Variants in AXDND1 observed in about 807,000 individuals in gnomAD.
AXDND1 encodes the protein axonemal dynein light chain domain-containing protein 1.
In AXDND1, 110 loss-of-function variants were observed where a neutral mutation model predicts 137.5. That is an observed-to-expected ratio of 0.80 (90% CI 0.69 to 0.94). The LOEUF (loss-of-function observed/expected upper bound fraction) is 0.94. Among genes scored for constraint, AXDND1 ranks in the 40% least tolerant of loss-of-function variants. AXDND1 has a pLI of 0.00. For missense variants in AXDND1, 1,191 were observed against 1,169.8 expected (o/e 1.02, Z -0.26); for synonymous variants, 414 against 399.7 (o/e 1.04, Z -0.43).
chr1:179,498,189 C>G (rs887508774), intron 20 of AXDND1, among the ~76,000 whole-genome samples: 1 of 151,996 alleles, frequency 6.6e-6, no homozygotes, highest in African/African-American at 2.4e-5. Context: ...AAAGAGAGCC[C>G]AAATAGCCAA....
chr1:179,496,218 G>T (rs185409558), intron 20 of AXDND1, among the ~76,000 whole-genome samples: 4 of 151,846 alleles, frequency 2.6e-5, no homozygotes, highest in Non-Finnish European at 5.9e-5. Context: ...GGTAATGCTG[G>T]CCTTTTAAAA....
chr1:179,383,413 T>G (rs763277135), intron 7 of AXDND1, 29 bp from the exon 8 acceptor site: 4 of 1,531,754 alleles, frequency 2.6e-6, no homozygotes, highest in Admixed American at 1.7e-5. Context: ...CAATGTTAAT[T>G]GCATAAGTCT....
At chr1:179,368,684 T>C (rs998838514) in intron 2 of AXDND1, 116 bp from the exon 3 acceptor site, 3 of 808,520 alleles carry the variant, frequency 3.7e-6, no homozygotes, top group African/African-American at 1.7e-5. Flanking sequence ...CTTTGTCAAA[T>C]AGAAGCAATG....
intron 18 of AXDND1, among the ~76,000 whole-genome samples, chr1:179,487,923 G>A (rs534906428): frequency 7.0e-6 from 1 of 142,054 alleles, no homozygotes; most frequent in Admixed American, 7.0e-5. Flanking sequence ...TTGTGCCTGG[G>A]AGGTCAAGGA....
chr1:179,400,462 T>C (rs1341203366), intron 11 of AXDND1, among the ~76,000 whole-genome samples: 1 of 151,890 alleles, frequency 6.6e-6, no homozygotes, highest in African/African-American at 2.4e-5. Context: ...ACCACAAATA[T>C]GGTGCTGTGT....
intron 12 of AXDND1, among the ~76,000 whole-genome samples, chr1:179,415,520 A>G (rs1355366082): frequency 6.6e-6 from 1 of 152,218 alleles, no homozygotes; most frequent in East Asian, 1.9e-4. Context: ...AATTCACCCA[A>G]TTAAAGTGTA....
chr1:179,552,578 C>G, intron 25 of AXDND1: 1 of 1,601,358 alleles, frequency 6.2e-7, no homozygotes, highest in African/African-American at 1.3e-5. Flanking sequence ...AAAGGGCAGT[C>G]TGGGTGGGAG....
intron 11 of AXDND1, among the ~76,000 whole-genome samples, chr1:179,408,968 CT>C (rs74384865): frequency 0.049 from 6,203 of 125,836 alleles, 58 homozygotes; most frequent in African/African-American, 0.082. Flanking sequence ...TTTTTTCTTT[CT>C]TTTTTTTTTT....
At chr1:179,435,802 C>T (rs1658069109) in intron 15 of AXDND1, among the ~76,000 whole-genome samples, 1 of 152,102 alleles carries the variant, frequency 6.6e-6, no homozygotes, top group African/African-American at 2.4e-5. Flanking sequence ...ATGAAAATGC[C>T]AAAAGCAATT....
chr1:179,429,258 A>G (rs942510908), intron 12 of AXDND1, among the ~76,000 whole-genome samples: 21 of 152,314 alleles, frequency 1.4e-4, no homozygotes, highest in African/African-American at 5.1e-4. Flanking sequence ...ATTTGAGAGT[A>G]TAAAGGGGCC....
rs568749539 is a variant in AXDND1 at position 179,495,754 on chromosome 1, G to A, written c.2388+2803G>A. Among the ~76,000 whole-genome samples, 8 of 151,840 alleles carry A rather than the reference G, an allele frequency of 5.3e-5. No individual in the cohort carries two copies. In the East Asian group the frequency reaches 1.3e-3, roughly 26 times the overall value. ...ATACTAGGTTGAAAAAGTAATGAGA[G>A]CAGATATCCTTGCCTTGGTCCATCT... On this transcript the variant is annotated intron_variant, in intron 20 of 25. Transcript: ENST00000367618.
chr1:179,402,168 A>AC (rs1558126722), intron 11 of AXDND1, among the ~76,000 whole-genome samples: 83 of 151,804 alleles, frequency 5.5e-4, no homozygotes, highest in African/African-American at 1.9e-3. Context: ...CCGTCTCAAA[A>AC]AAAAAAAAAA....
intron 25 of AXDND1, chr1:179,544,999 A>T (rs1296521221): frequency 2.6e-5 from 4 of 152,284 alleles, no homozygotes; most frequent in Admixed American, 2.6e-4. Context: ...GTGTTGCTGA[A>T]GATTCACCCA....
intron 16 of AXDND1, among the ~76,000 whole-genome samples, chr1:179,462,633 C>G (rs181924823): frequency 6.6e-6 from 1 of 152,332 alleles, no homozygotes; most frequent in Admixed American, 6.5e-5. Flanking sequence ...ACCAGCTCCT[C>G]TTTGTACCTC....
intron 21 of AXDND1, among the ~76,000 whole-genome samples, chr1:179,515,206 C>T (rs1669420745): frequency 6.6e-6 from 1 of 151,908 alleles, no homozygotes; most frequent in Non-Finnish European, 1.5e-5. Context: ...TAAAGAGCTT[C>T]TGTTTTGATG....
chr1:179,373,678 T>A (rs1167816250), intron 4 of AXDND1, among the ~76,000 whole-genome samples: 1 of 151,950 alleles, frequency 6.6e-6, no homozygotes, highest in Non-Finnish European at 1.5e-5. Flanking sequence ...CACCACACAT[T>A]TACAACCATC....
chr1:179,379,471 GTGTTA>G lies in AXDND1; in HGVS notation c.573_577del (p.Cys191Ter). 1 of 1,613,312 alleles carries G rather than the reference GTGTTA, an allele frequency of 6.2e-7. No individual in the cohort carries two copies. ...CAAGTACAGGAGTTTCAGGTTTGGA[GTGTTA>G]TGATGAGTGAGTACTATGATATGTA... On this transcript the variant is annotated frameshift_variant, in exon 6 of 26. Coordinates refer to ENST00000367618, the MANE Select transcript of AXDND1 (RefSeq NM_144696.6). LOFTEE classifies it high-confidence loss of function.
intron 16 of AXDND1, chr1:179,454,370 A>G (rs10733001): frequency 1 from 152,383 of 152,762 alleles, 76,007 homozygotes; most frequent in Middle Eastern, 1. Context: ...TGAGGCCTCC[A>G]CAGCCACGTG....
At chr1:179,444,805 T>C (rs1339250272) in intron 15 of AXDND1, among the ~76,000 whole-genome samples, 165 bp from the exon 16 acceptor site, 2 of 152,032 alleles carry the variant, frequency 1.3e-5, no homozygotes, top group Non-Finnish European at 2.9e-5. Context: ...TTCATTTTAA[T>C]TTAAAAATAA....
Sources: allele counts gnomAD v4.1 joint callset (sites outside exome capture counted in the v4.1 genomes callset), GRCh38; gene constraint gnomAD v4.1.1; transcripts MANE v1.5; gene names NCBI Gene and HGNC (gene_info 2026-07-23, HGNC 2026-07-21).